PCDHA9: variants seen among roughly 807,000 people sequenced by gnomAD.
PCDHA9 encodes the protein protocadherin alpha-9.
PCDHA9 carries 62 observed loss-of-function variants against 62.0 expected under a neutral mutation model. The ratio of observed to expected loss-of-function variants is 1.00; its 90% CI spans 0.81 to 1.23. The LOEUF (loss-of-function observed/expected upper bound fraction) is 1.23. Ranked by LOEUF, PCDHA9 falls within the 50% of genes most tolerant of loss-of-function variation. The pLI is 0.00. For missense variants in PCDHA9, 1,205 were observed against 1,249.8 expected, an observed-to-expected ratio of 0.96 and a Z score of 0.54; for synonymous variants, 557 against 567.6, an observed-to-expected ratio of 0.98 and a Z score of 0.27.
At chr5:140,948,957 C>G (rs1338643900) in intron 1 of PCDHA9, among the ~76,000 whole-genome samples, 2 of 151,542 alleles carry the variant, frequency 1.3e-5, no homozygotes, top group Admixed American at 1.3e-4. Context: ...AAATTAAAGC[C>G]ACGAATTTAT....
At position 140,856,428 on chromosome 5, in the gene PCDHA9, A is replaced by G. The variant is rs782670614; in HGVS notation, c.2394+5539A>G. On this transcript the variant is annotated intron_variant, in intron 1 of 3. Coordinates refer to ENST00000532602, the MANE Select transcript of PCDHA9 (RefSeq NM_031857.2). ...GACGTGGAAGTGAAGGACATTAACG[A>G]CAACCCGCCCAGGTTCTCCGTAACA... The G allele has an allele frequency of 5.0e-6, 8 of 1,598,286 alleles. No homozygotes were observed. The East Asian group carries it at 1.8e-4, about 36-fold the overall frequency.
At chr5:140,956,057 T>C (rs2095252530) in intron 1 of PCDHA9, among the ~76,000 whole-genome samples, 1 of 152,308 alleles carries the variant, frequency 6.6e-6, no homozygotes, top group South Asian at 2.1e-4. Flanking sequence ...GCTGAGACAA[T>C]GGGGTTTTCC....
chr5:140,856,238 C>T lies in PCDHA9; in HGVS notation c.2394+5349C>T, dbSNP rs1250461159. On this transcript the variant is annotated intron_variant, in intron 1 of 3. Transcript: ENST00000532602. ...GGCGGAGCTGGTGCAGCGCCTGTTC[C>T]GGGTGGCGTCCAAAAGACACGGGGA... The T allele has an allele frequency of 5.6e-6, 9 of 1,597,934 alleles. 1 individual carries two copies. Among genetic ancestry groups the T allele is most frequent in the Non-Finnish European group, 7.7e-6 (9 of 1,167,850 alleles).
chr5:140,883,080 A>G, intron 1 of PCDHA9: 1 of 1,614,140 alleles, frequency 6.2e-7, no homozygotes, highest in Non-Finnish European at 8.5e-7. Flanking sequence ...GATCCTGATG[A>G]TGGTACAAAT....
At position 140,849,899 on chromosome 5, in the gene PCDHA9, C is replaced by A; in HGVS notation, c.1404C>A (p.Asn468Lys). Residue 468 changes from asparagine (N) to lysine (K), a missense_variant, in exon 1 of 4, where the codon AAC becomes AAA. This residue lies in a region of PCDHA9 where 887 missense variants were observed against 809.5 expected (regional missense o/e 1.10). Coordinates refer to ENST00000532602, the MANE Select transcript of PCDHA9 (RefSeq NM_031857.2). Reference protein sequence around the residue: ...SEYTVFVKENNPPGCHIFTVS... With the variant: ...SEYTVFVKENKPPGCHIFTVS... ...ACACGGTGTTCGTGAAGGAGAACAA[C>A]CCGCCGGGCTGCCACATCTTCACGG... 6.3e-7 allele frequency: 1 copy of A among 1,598,504 alleles called. No individual in the cohort carries two copies. Among genetic ancestry groups the A allele is most frequent in the South Asian group, 1.1e-5 (1 of 90,546 alleles).
In PCDHA9 at chr5:140,869,777, C is replaced by A. The variant is rs184691375; in HGVS notation, c.2394+18888C>A. On this transcript the variant is annotated intron_variant, in intron 1 of 3. Transcript: ENST00000532602. ...GGGGGAAAACCAGAGCTTACTGGCA[C>A]CGTTCGGCTGTTAGTCCAAGTCTTG... The A allele has an allele frequency of 1.0e-4, 167 of 1,612,982 alleles. 1 individual carries two copies. The highest frequency in any genetic ancestry group is 6.8e-6 in the Non-Finnish European group (8 of 1,179,600).
rs2096251750 is a variant in PCDHA9 at position 140,968,509 on chromosome 5, C to T, written c.2395-10440C>T. 3 of 1,614,162 alleles carry T rather than the reference C, an allele frequency of 1.9e-6. No individual in the cohort carries two copies. In the South Asian group the frequency reaches 3.3e-5, roughly 18 times the overall value. On this transcript the variant is annotated intron_variant, in intron 1 of 3. Coordinates refer to ENST00000532602, the MANE Select transcript of PCDHA9 (RefSeq NM_031857.2). Reference sequence around the variant, plus strand: ...ATGACCATGCCCCTCACATTCTGTACCCTACCTCAACCAACTCGTCAGCAG... The same window carrying T: ...ATGACCATGCCCCTCACATTCTGTATCCTACCTCAACCAACTCGTCAGCAG...
chr5:140,877,218 G>C (rs781819579), intron 1 of PCDHA9: 1 of 1,613,726 alleles, frequency 6.2e-7, no homozygotes, highest in South Asian at 1.1e-5. Context: ...AGTTGGTACC[G>C]CGGTCGGTGG....
At chr5:140,864,237 C>G (rs2048381218) in intron 1 of PCDHA9, 2 of 152,002 alleles carry the variant, frequency 1.3e-5, no homozygotes, top group Non-Finnish European at 2.9e-5. Flanking sequence ...GTTCTTTATT[C>G]CTATTCATTT....
chr5:140,928,177 A>G lies in PCDHA9; in HGVS notation c.2395-50772A>G, dbSNP rs781987562. Reference sequence around the variant, plus strand: ...TGGCTCACCCCCACTTAGCACCCGAAGGACAATCACTGTGTCAGTTGCTGA... The same window carrying G: ...TGGCTCACCCCCACTTAGCACCCGAGGGACAATCACTGTGTCAGTTGCTGA... On this transcript the variant is annotated intron_variant, in intron 1 of 3. Transcript: ENST00000532602. 8.7e-6 allele frequency: 14 copies of G among 1,614,218 alleles called. No homozygotes were observed. The East Asian group carries it at 2.7e-4, about 31-fold the overall frequency.
At chr5:140,957,912 T>A (rs570961362) in intron 1 of PCDHA9, among the ~76,000 whole-genome samples, 1 of 152,256 alleles carries the variant, frequency 6.6e-6, no homozygotes, top group Non-Finnish European at 1.5e-5. Context: ...CATATTGTTA[T>A]CTATGTATCA....
intron 1 of PCDHA9, chr5:140,862,594 A>G: frequency 2.0e-6 from 1 of 509,532 alleles, no homozygotes; most frequent in Non-Finnish European, 4.0e-6. Flanking sequence ...GCCCGAGTAC[A>G]TGGTGTTCGT....
chr5:140,928,990 C>CT, intron 1 of PCDHA9: 2 of 1,613,884 alleles, frequency 1.2e-6, no homozygotes, highest in African/African-American at 1.3e-5. Context: ...GGGGTGCTTA[C>CT]TTTTCTTCGT....
At position 140,848,680 on chromosome 5, in the gene PCDHA9, G is replaced by T. The variant is rs2150417098; in HGVS notation, c.185G>T (p.Arg62Leu). ...CTGGAGCTGGCGGAGCTGGTGCCGC[G>T]CCTGTTCCAGTTGGATTCCAAAGGC... Reference protein sequence around the residue: ...LGLELAELVPRLFQLDSKGRG... With the variant: ...LGLELAELVPLLFQLDSKGRG... The change falls in exon 1 of 4, where the codon CGC becomes CTC. Residue 62 changes from arginine (R) to leucine (L), a missense_variant. By Grantham distance (102) the Arg-to-Leu change is moderately radical. Around this residue, in one of 3 missense-constraint regions of PCDHA9, gnomAD observed 208 missense variants for 213.2 expected, o/e 0.98. Transcript: ENST00000532602. 4.4e-5 allele frequency: 70 copies of T among 1,592,250 alleles called. 5 individuals are homozygous for T. The highest frequency in any genetic ancestry group is 3.9e-4 in the Admixed American group (23 of 59,170).
At position 140,849,776 on chromosome 5, in the gene PCDHA9, G is replaced by T; in HGVS notation, c.1281G>T (p.Ala427=). 6.3e-7 allele frequency: 1 copy of T among 1,598,464 alleles called. No homozygotes were observed. Among genetic ancestry groups the T allele is most frequent in the Non-Finnish European group, 8.6e-7 (1 of 1,167,968 alleles). Residue 427 remains alanine (A), a synonymous_variant, in exon 1 of 4, where the codon GCG becomes GCT. Coordinates refer to ENST00000532602, the MANE Select transcript of PCDHA9 (RefSeq NM_031857.2). The stretch of plus-strand genomic sequence containing the variant: ...CCGCCTACGAGCTGGTGGTTACCGC[G>T]CGGGACGGGGGCTCGCCTTCACTGT... ...SVSAYELVVT[A]RDGGSPSLWA...
At chr5:140,935,638 T>G (rs1452378093) in intron 1 of PCDHA9, among the ~76,000 whole-genome samples, 2 of 152,214 alleles carry the variant, frequency 1.3e-5, no homozygotes, top group Admixed American at 6.5e-5. Context: ...TAGGGCTTGC[T>G]TTTTAAATTT....
At chr5:140,880,737 G>T (rs139077188) in intron 1 of PCDHA9, among the ~76,000 whole-genome samples, 1 of 152,304 alleles carries the variant, frequency 6.6e-6, no homozygotes, top group Non-Finnish European at 1.5e-5. Flanking sequence ...TAGAGAAAAT[G>T]GATTGTCAGT....
intron 1 of PCDHA9, chr5:140,877,029 G>A (rs782501659): frequency 4.7e-5 from 75 of 1,612,228 alleles, no homozygotes; most frequent in Middle Eastern, 2.0e-4. Context: ...AGGTGTACGC[G>A]CTGCAGCCGC....
At chr5:140,969,210 C>G in intron 1 of PCDHA9, 1 of 1,614,184 alleles carries the variant, frequency 6.2e-7, no homozygotes, top group Non-Finnish European at 8.5e-7. Context: ...GGGGCCCAGA[C>G]AGGACCAGGG....
Sources: gnomAD v4.1 joint callset for allele counts (sites outside exome capture counted in the v4.1 genomes callset) on GRCh38, gnomAD v4.1.1 for gene constraint, gnomAD v4.1.1 regional missense constraint, MANE v1.5 for transcripts, NCBI Gene and HGNC (gene_info 2026-07-23, HGNC 2026-07-21) for gene names.